CEP192: variants seen among roughly 807,000 people sequenced by gnomAD.
The protein encoded by CEP192 is centrosomal protein of 192 kDa.
A neutral mutation model predicts 271.8 loss-of-function variants in CEP192; 151 were observed. The observed-to-expected ratio is 0.56, with a 90% confidence interval of 0.49 to 0.64. The LOEUF is 0.64. CEP192 is among the 30% of genes least tolerant of loss of function. CEP192 has a pLI of 0.00. For missense variants in CEP192, 2,910 were observed against 3,020.5 expected (o/e 0.96, Z 0.86); for synonymous variants, 995 against 1,076.5 (o/e 0.92, Z 1.48).
intron 43 of CEP192, among the ~76,000 whole-genome samples, chr18:13,117,039 T>C (rs1306276574): frequency 6.7e-6 from 1 of 150,088 alleles, no homozygotes; most frequent in Non-Finnish European, 1.5e-5. Context: ...CTGGGCAATA[T>C]AGTGAGACTC....
chr18:13,059,302 C>CCA lies in CEP192; in HGVS notation c.4478_4479insCA (p.Val1494MetfsTer5). 1 of 1,612,238 alleles carries CCA rather than the reference C, an allele frequency of 6.2e-7. No homozygotes were observed. Among genetic ancestry groups the CCA allele is most frequent in the Non-Finnish European group, 8.5e-7 (1 of 1,178,246 alleles). On this transcript the variant is annotated frameshift_variant, in exon 21 of 45. Transcript: ENST00000506447. LOFTEE classifies it high-confidence loss of function. Reference sequence around the variant, plus strand: ...ACTCTCACTGCCATTGCCGAGAGTCCTGTTATTGAGGTACCTGTTTGAAAA... The same window carrying CCA: ...ACTCTCACTGCCATTGCCGAGAGTCCCATGTTATTGAGGTACCTGTTTGAAAA...
intron 40 of CEP192, among the ~76,000 whole-genome samples, chr18:13,107,624 G>T (rs942802755): frequency 6.6e-6 from 1 of 152,122 alleles, no homozygotes; most frequent in African/African-American, 2.4e-5. Context: ...ATCTCTCCAG[G>T]ATTTTTTGTT....
At chr18:13,044,772 G>A (rs974896313) in intron 15 of CEP192, among the ~76,000 whole-genome samples, 1 of 152,136 alleles carries the variant, frequency 6.6e-6, no homozygotes, top group Non-Finnish European at 1.5e-5. Context: ...TAATGTTCTT[G>A]TCTGGTTTTG....
At chr18:13,062,491 A>G (rs147242099) in intron 21 of CEP192, among the ~76,000 whole-genome samples, 131 of 151,096 alleles carry the variant, frequency 8.7e-4, no homozygotes, top group African/African-American at 3.0e-3. Context: ...AAATGTGTGC[A>G]GGTTCCTGTT....
chr18:13,068,731 TA>T, intron 24 of CEP192, 120 bp from the exon 25 acceptor site: 1 of 975,490 alleles, frequency 1.0e-6, no homozygotes. Context: ...TTTAACTCTT[TA>T]AAAAATCTGC....
At chr18:13,070,151 C>T (rs1446126609) in intron 27 of CEP192, among the ~76,000 whole-genome samples, 1 of 147,524 alleles carries the variant, frequency 6.8e-6, no homozygotes, top group Admixed American at 6.7e-5. Flanking sequence ...ACAGAGAGTC[C>T]GTCTCAAAAA....
At chr18:13,108,841 C>CTCCA (rs1477267376) in intron 40 of CEP192, among the ~76,000 whole-genome samples, 3 of 152,172 alleles carry the variant, frequency 2.0e-5, no homozygotes, top group Non-Finnish European at 4.4e-5. Context: ...TGCCACTGCA[C>CTCCA]TCCAGCCTGT....
chr18:13,099,245 C>T (rs936373631), intron 36 of CEP192, among the ~76,000 whole-genome samples: 2 of 151,694 alleles, frequency 1.3e-5, no homozygotes, highest in Non-Finnish European at 2.9e-5. Flanking sequence ...TGAGTTTTGC[C>T]CTTGCGTCAT....
chr18:13,083,671 T>C (rs2038745005), intron 30 of CEP192, among the ~76,000 whole-genome samples: 1 of 152,230 alleles, frequency 6.6e-6, no homozygotes, highest in Non-Finnish European at 1.5e-5. Flanking sequence ...GGTGAGGAGC[T>C]GCGATCTTTT....
At chr18:13,032,063 A>G (rs372110601) in intron 11 of CEP192, among the ~76,000 whole-genome samples, 3 of 152,196 alleles carry the variant, frequency 2.0e-5, no homozygotes, top group South Asian at 2.1e-4. Flanking sequence ...ACCATGCCCA[A>G]GATTGAGGCT....
At position 13,117,599 on chromosome 18, in the gene CEP192, T is replaced by A; in HGVS notation, c.7431T>A (p.Ser2477Arg). ...SFITHSLKFLSPREPFYVKHS... is the reference protein window; with the variant it reads ...SFITHSLKFLRPREPFYVKHS... ...TTAAATTCCAGCTGAAGTTTTTGAG[T>A]CCCAGAGAGCCATTCTATGTCAAAC... is the stretch of plus-strand genomic sequence containing the variant. The change falls in exon 44 of 45, where the codon AGT becomes AGA. Residue 2477 changes from serine to arginine, a missense_variant. Coordinates refer to ENST00000506447, the MANE Select transcript of CEP192 (RefSeq NM_032142.4). 6.2e-7 allele frequency: 1 copy of A among 1,611,864 alleles called. No homozygotes were observed. Among genetic ancestry groups the A allele is most frequent in the Non-Finnish European group, 8.5e-7 (1 of 1,178,072 alleles).
intron 33 of CEP192, 70 bp from the exon 34 acceptor site, chr18:13,092,307 A>G (rs1287622066): frequency 2.8e-6 from 3 of 1,088,534 alleles, no homozygotes; most frequent in African/African-American, 1.6e-5. Flanking sequence ...TAAATATACA[A>G]ATGTATCTGT....
intron 15 of CEP192, among the ~76,000 whole-genome samples, chr18:13,046,205 G>A (rs1262911286): frequency 6.6e-6 from 1 of 152,092 alleles, no homozygotes; most frequent in Non-Finnish European, 1.5e-5. Flanking sequence ...AGCAGGGATG[G>A]GGAAGGTGCC....
In CEP192 at chr18:13,072,838, G is replaced by A; in HGVS notation, c.5432G>A (p.Cys1811Tyr). The A allele has an allele frequency of 7.5e-6, 12 of 1,609,186 alleles. No homozygotes were observed. The highest frequency in any genetic ancestry group is 1.0e-5 in the Non-Finnish European group (12 of 1,175,492). ...CTTATTAGAGGACAAGATCAGGACT[G>A]CTTTCAGGTTCGTAGAGTACGTGGA... ...RLLIRGQDQD[C>Y]FQLQNTFGSE... The change falls in exon 29 of 45, where the codon TGC becomes TAC. Residue 1811 changes from cysteine to tyrosine, a missense_variant. Physicochemically the swap from Cys to Tyr is radical, Grantham distance 194. Coordinates refer to ENST00000506447, the MANE Select transcript of CEP192 (RefSeq NM_032142.4).
At position 13,099,579 on chromosome 18, in the gene CEP192, A is replaced by C. The variant is rs767292227; in HGVS notation, c.6661A>C (p.Lys2221Gln). The C allele has an allele frequency of 1.3e-6, 2 of 1,515,864 alleles. No individual in the cohort carries two copies. The highest frequency in any genetic ancestry group is 1.8e-6 in the Non-Finnish European group (2 of 1,122,530). 93.9% of individuals were successfully genotyped at this position (1,515,864 alleles called of 1,614,324 possible). Residue 2221 changes from lysine (K) to glutamine (Q), a missense_variant and splice_region_variant, in exon 37 of 45, where the codon AAG (lysine) becomes CAG (glutamine). Transcript: ENST00000506447. ...CTATATACACTGTGACGATGGACAG[A>C]AGGTACTTTTAAAAGTGGTTTGGTT... ...LIYIHCDDGQ[K>Q]KIVKVQIRED...
intron 11 of CEP192, 27 bp from the exon 12 acceptor site, chr18:13,037,209 TG>T (rs1186674653): frequency 2.4e-5 from 22 of 928,122 alleles, no homozygotes; most frequent in Middle Eastern, 4.3e-4. Flanking sequence ...ATTAGTGTAA[TG>T]TATTTATATA....
chr18:13,093,176 A>ACAAAT (rs2039232096), intron 34 of CEP192, among the ~76,000 whole-genome samples: 1 of 152,156 alleles, frequency 6.6e-6, no homozygotes, highest in Non-Finnish European at 1.5e-5. Context: ...ACAAAACAAA[A>ACAAAT]AAACACTCTC....
At chr18:13,078,606 C>A (rs2038416440) in intron 30 of CEP192, among the ~76,000 whole-genome samples, 1 of 152,088 alleles carries the variant, frequency 6.6e-6, no homozygotes, top group African/African-American at 2.4e-5. Context: ...TGTTTCCTGA[C>A]TTTTTAATGA....
chr18:13,033,462 T>G (rs142573658), intron 11 of CEP192, among the ~76,000 whole-genome samples: 27 of 152,338 alleles, frequency 1.8e-4, no homozygotes, highest in African/African-American at 6.3e-4. Flanking sequence ...GACACAGGTA[T>G]GCTAGTCCAT....
Sources: gnomAD v4.1 joint callset for allele counts (sites outside exome capture counted in the v4.1 genomes callset) on GRCh38, gnomAD v4.1.1 for gene constraint, MANE v1.5 for transcripts, NCBI Gene and HGNC (gene_info 2026-07-23, HGNC 2026-07-21) for gene names.